The following NEDD9 variants were observed in gnomAD, a reference collection of about 807,000 sequenced individuals.
The protein encoded by NEDD9 is neural precursor cell expressed, developmentally down-regulated 9, also known as enhancer of filamentation 1.
Under a neutral mutation model 76.6 loss-of-function variants are expected in NEDD9, and 26 were observed. That is an observed-to-expected ratio of 0.34 (90% CI 0.25 to 0.47). The LOEUF (loss-of-function observed/expected upper bound fraction) is 0.47, where lower values mean the gene tolerates loss of function less well. Among genes scored for constraint, NEDD9 ranks in the 20% least tolerant of loss-of-function variants. NEDD9 has a pLI of 1.00. For synonymous variants in NEDD9, 392 were observed against 414.2 expected (o/e 0.95, Z 0.65); for missense variants, 937 against 1,058.5 (o/e 0.89, Z 1.59).
At chr6:11,335,379 C>T (rs567649338) in intron 1 of NEDD9, among the ~76,000 whole-genome samples, 4 of 152,240 alleles carry the variant, frequency 2.6e-5, no homozygotes, top group East Asian at 1.9e-4. Context: ...TGAATCCTGG[C>T]GAAATCACTA....
At chr6:11,353,767 A>G (rs944005272) in intron 1 of NEDD9, among the ~76,000 whole-genome samples, 1 of 152,252 alleles carries the variant, frequency 6.6e-6, no homozygotes, top group Non-Finnish European at 1.5e-5. Context: ...GATGTATTAC[A>G]TGATTATATA....
intron 2 of NEDD9, among the ~76,000 whole-genome samples, chr6:11,333,701 C>A (rs1242055471): frequency 6.6e-6 from 1 of 152,208 alleles, no homozygotes; most frequent in Non-Finnish European, 1.5e-5. Context: ...GGGGTTTTGG[C>A]AGCCTGCAGC....
intron 3 of NEDD9, among the ~76,000 whole-genome samples, chr6:11,255,087 G>A (rs1354014167): frequency 6.6e-6 from 1 of 152,228 alleles, no homozygotes; most frequent in Non-Finnish European, 1.5e-5. Flanking sequence ...AGGATTCATA[G>A]AGTGAGACAA....
In NEDD9 at chr6:11,213,486, G is replaced by A; in HGVS notation, c.254C>T (p.Thr85Ile). The change falls in exon 2 of 7, where the codon ACC (threonine) becomes ATC (isoleucine). Residue 85 changes from threonine to isoleucine, a missense_variant. By Grantham distance (89) the Thr-to-Ile change is moderately conservative. Coordinates refer to ENST00000379446, the MANE Select transcript of NEDD9 (RefSeq NM_006403.4). This position sits in a 1 kb window ranked among gnomAD's most constrained non-coding sequence, Gnocchi z 5.4. ...EQPASGLMQQTFGQQKLYQVP... is the reference protein window; with the variant it reads ...EQPASGLMQQIFGQQKLYQVP... ...TTGATAGAGCTTCTGTTGGCCAAAG[G>A]TCTGCTGCATCAGTCCAGAGGCAGG... 1.2e-6 allele frequency: 2 copies of A among 1,614,188 alleles called. No individual in the cohort carries two copies. Among genetic ancestry groups the A allele is most frequent in the African/African-American group, 2.7e-5 (2 of 75,042 alleles).
intron 1 of NEDD9, among the ~76,000 whole-genome samples, chr6:11,357,214 A>C (rs899409577): frequency 1.3e-5 from 2 of 151,990 alleles, no homozygotes; most frequent in Non-Finnish European, 2.9e-5. Flanking sequence ...GGCTGCTCTA[A>C]CCCTTTACTC....
chr6:11,279,883 C>T (rs1342282492), intron 3 of NEDD9, among the ~76,000 whole-genome samples: 1 of 152,180 alleles, frequency 6.6e-6, no homozygotes, highest in Non-Finnish European at 1.5e-5. Flanking sequence ...ACCTTGAAAA[C>T]ACAGATTTCA....
intron 3 of NEDD9, among the ~76,000 whole-genome samples, chr6:11,248,193 TA>T (rs780238567): frequency 4.7e-5 from 7 of 149,876 alleles, no homozygotes; most frequent in African/African-American, 1.7e-4. Flanking sequence ...ACTGCTTACT[TA>T]AAAAAAATAA....
chr6:11,371,826 G>GT (rs147008449), intron 1 of NEDD9, among the ~76,000 whole-genome samples: 1,873 of 151,720 alleles, frequency 0.012, 39 homozygotes, highest in African/African-American at 0.043. Flanking sequence ...ATTAAAGGCT[G>GT]TTTTTTTTCT....
At chr6:11,256,864 T>G (rs972660000) in intron 3 of NEDD9, among the ~76,000 whole-genome samples, 2 of 152,356 alleles carry the variant, frequency 1.3e-5, no homozygotes, top group Middle Eastern at 3.4e-3. Context: ...CATTCTGTCC[T>G]TTGTGCAAAC....
At chr6:11,361,354 C>T (rs1762676748) in intron 1 of NEDD9, among the ~76,000 whole-genome samples, 1 of 152,116 alleles carries the variant, frequency 6.6e-6, no homozygotes, top group Non-Finnish European at 1.5e-5. Context: ...AGCTCAGAGG[C>T]TTCTGCTTCT....
chr6:11,340,235 A>T (rs1390633489), intron 1 of NEDD9, among the ~76,000 whole-genome samples: 1 of 152,088 alleles, frequency 6.6e-6, no homozygotes, highest in African/African-American at 2.4e-5. Flanking sequence ...TGTTTTTGAG[A>T]TATTTTTTCT....
intron 3 of NEDD9, among the ~76,000 whole-genome samples, chr6:11,287,438 A>G (rs1162761788): frequency 1.3e-5 from 2 of 152,134 alleles, no homozygotes; most frequent in Non-Finnish European, 2.9e-5. Flanking sequence ...AAAACAAAAC[A>G]AAACAAAAAC....
intron 1 of NEDD9, among the ~76,000 whole-genome samples, chr6:11,219,069 G>A (rs930156860): frequency 1.1e-4 from 16 of 152,194 alleles, no homozygotes; most frequent in Admixed American, 4.6e-4. Context: ...GGGTTCTGCT[G>A]TTCCTGGTTC....
chr6:11,280,067 T>G (rs1377665087), intron 3 of NEDD9, among the ~76,000 whole-genome samples: 3 of 152,162 alleles, frequency 2.0e-5, no homozygotes, highest in African/African-American at 4.8e-5. Flanking sequence ...GGCTGCCTTG[T>G]GCATTATAGG....
rs1234724227 is a variant in NEDD9 at position 11,313,552 on chromosome 6, A to G, written c.-152-7397T>C. ...GATAGGTGAATGGGTGGATGGATGG[A>G]TAGATGGGTGGATAGATGAATAGAT... On this transcript the variant is annotated intron_variant, in intron 2 of 3. Transcript: ENST00000397378. Among the ~76,000 whole-genome samples the G allele has an allele frequency of 3.1e-5, 4 of 126,996 alleles. No homozygotes were observed. The East Asian group carries it at 8.2e-4, about 26-fold the overall frequency. 83.3% of individuals were successfully genotyped at this position (126,996 alleles called of 152,430 possible).
intron 1 of NEDD9, among the ~76,000 whole-genome samples, chr6:11,355,533 C>T (rs1001575133): frequency 2.6e-5 from 4 of 152,066 alleles, no homozygotes; most frequent in Non-Finnish European, 4.4e-5. Flanking sequence ...TAAAACTGAA[C>T]GCTCTAATTT....
chr6:11,301,612 T>C (rs1195822034), intron 3 of NEDD9, among the ~76,000 whole-genome samples: 1 of 152,202 alleles, frequency 6.6e-6, no homozygotes, highest in Non-Finnish European at 1.5e-5. Flanking sequence ...ACCACTTAGT[T>C]GGAAGTAAAG....
intron 3 of NEDD9, among the ~76,000 whole-genome samples, chr6:11,255,506 G>A (rs1022178647): frequency 1.3e-5 from 2 of 152,188 alleles, no homozygotes; most frequent in Admixed American, 1.3e-4. Flanking sequence ...CTGGTGACAA[G>A]AGGTGGTGGG....
intron 6 of NEDD9, among the ~76,000 whole-genome samples, chr6:11,187,521 G>C (rs1039628386): frequency 6.6e-6 from 1 of 152,138 alleles, no homozygotes; most frequent in Admixed American, 6.5e-5. Flanking sequence ...TGGCGAAAGA[G>C]AGACAAATAG....
Sources: gnomAD v4.1 joint callset for allele counts (sites outside exome capture counted in the v4.1 genomes callset) on GRCh38, gnomAD v4.1.1 for gene constraint, Gnocchi (gnomAD v3.1) non-coding constraint, MANE v1.5 for transcripts, NCBI Gene and HGNC (gene_info 2026-07-23, HGNC 2026-07-21) for gene names.